The following CLN8 variants were observed in gnomAD, a reference collection of about 807,000 sequenced individuals.
The protein encoded by CLN8 is CLN8 transmembrane ER and ERGIC protein, also known as protein CLN8.
CLN8 carries 14 observed loss-of-function variants against 15.7 expected under a neutral mutation model. The ratio of observed to expected loss-of-function variants is 0.89; its 90% CI spans 0.59 to 1.39. The LOEUF (loss-of-function observed/expected upper bound fraction) is 1.39, where lower values mean the gene tolerates loss of function less well. CLN8 is among the 40% of genes most tolerant of loss of function. The pLI is 0.00. For missense variants in CLN8, 415 were observed against 364.0 expected (o/e 1.14, Z -1.14); for synonymous variants, 188 against 151.0 (o/e 1.25, Z -1.80).
chr8:1,756,408 C>G (rs1176849172), intron 1 of CLN8, among the ~76,000 whole-genome samples: 1 of 150,286 alleles, frequency 6.7e-6, no homozygotes, highest in East Asian at 2.0e-4. Context: ...TGCTTGAACT[C>G]AGGAGGCAGA....
rs1801774673 is a variant in CLN8 at position 1,784,149 on chromosome 8, G to A, written c.*3582G>A. ...AAAAAAACAAAACTAGCTGGGGGTGGTGGTGCATGCCTGTGGTCCCAGCTA... is the reference window on the plus strand; with the variant it reads ...AAAAAAACAAAACTAGCTGGGGGTGATGGTGCATGCCTGTGGTCCCAGCTA... On this transcript the variant is annotated 3_prime_UTR_variant, in exon 3 of 3. Coordinates refer to ENST00000331222, the MANE Select transcript of CLN8 (RefSeq NM_018941.4). 6.6e-6 allele frequency: 1 copy of A among 152,276 alleles called. No individual in the cohort carries two copies. Among genetic ancestry groups the A allele is most frequent in the African/African-American group, 2.4e-5 (1 of 41,430 alleles). The allele number at this position is 152,276 out of a possible 1,614,324, so 9.4% of individuals were successfully genotyped here. A position where few individuals can be genotyped will look rare whatever the true frequency, so the allele number is the denominator to read the frequency against.
upstream of CLN8, chr8:1,761,911 A>T (rs1024044367): frequency 6.6e-6 from 1 of 152,200 alleles, no homozygotes; most frequent in Admixed American, 6.5e-5. Context: ...GAATCTTGTA[A>T]TCTCCAGCTG....
At chr8:1,766,717 A>G (rs544841718) in intron 1 of CLN8, among the ~76,000 whole-genome samples, 47 of 152,290 alleles carry the variant, frequency 3.1e-4, no homozygotes, top group African/African-American at 1.1e-3. Flanking sequence ...TTACCCATGG[A>G]AGGAACAGTG....
intron 1 of CLN8, among the ~76,000 whole-genome samples, chr8:1,767,544 C>T (rs747536965): frequency 2.0e-5 from 3 of 150,524 alleles, no homozygotes; most frequent in Non-Finnish European, 4.4e-5. Context: ...CTTCATTTCC[C>T]GCTGCTCTGT....
Position 1,780,815 on chromosome 8 carries a change from G to A in CLN8, c.*248G>A. On this transcript the variant is annotated 3_prime_UTR_variant, in exon 3 of 3. Coordinates refer to ENST00000331222, the MANE Select transcript of CLN8 (RefSeq NM_018941.4). ...CGCGCCGGACCGTGTCAAGCATCTA[G>A]GAGAGGAGTCCATGGTGTCCAGGCA... 1 of 569,648 alleles carries A rather than the reference G, an allele frequency of 1.8e-6. No individual in the cohort carries two copies. Among genetic ancestry groups the A allele is most frequent in the South Asian group, 2.2e-5 (1 of 45,798 alleles). The allele number at this position is 569,648 out of a possible 1,614,324, so 35.3% of individuals were successfully genotyped here.
Position 1,780,536 on chromosome 8 carries a change from A to T in CLN8, c.830A>T (p.Asn277Ile), listed in dbSNP as rs1284620446. ...QPEAKSRPEGNGQLLRKKRP is the reference protein window; with the variant it reads ...QPEAKSRPEGIGQLLRKKRP ...GAAGCCAAGAGCAGGCCAGAAGGCAACGGGCAGCTGCTGCGGAAGAAGAGG... is the reference window on the plus strand; with the variant it reads ...GAAGCCAAGAGCAGGCCAGAAGGCATCGGGCAGCTGCTGCGGAAGAAGAGG... The change falls in exon 3 of 3, where the codon AAC (asparagine) becomes ATC (isoleucine). Residue 277 changes from asparagine to isoleucine, a missense_variant. Asn to Ile is a moderately radical substitution (Grantham distance 149). Transcript: ENST00000331222. 6.2e-7 allele frequency: 1 copy of T among 1,614,164 alleles called. No individual in the cohort carries two copies.
intron 1 of CLN8, chr8:1,758,507 G>C (rs2130947912): frequency 6.6e-6 from 1 of 152,332 alleles, no homozygotes; most frequent in South Asian, 2.1e-4. Context: ...AAAAGGGCAA[G>C]ACGATCCCCT....
Position 1,757,218 on chromosome 8 carries a change from G to A in CLN8, c.-124+1136G>A, listed in dbSNP as rs1277722972. Among the ~76,000 whole-genome samples the A allele has an allele frequency of 2.6e-5, 4 of 152,180 alleles. No individual in the cohort carries two copies. The South Asian group carries it at 6.2e-4, about 24-fold the overall frequency. On this transcript the variant is annotated intron_variant, in intron 1 of 1. Coordinates refer to the CLN8 transcript ENST00000524258. ...GATGTTGGGGCTGGGCCATTGCCGT[G>A]GGGCTGCCCTGGGCATTGTCGGAAG...
chr8:1,761,214 C>T (rs1195241105), upstream of CLN8, among the ~76,000 whole-genome samples: 1 of 151,778 alleles, frequency 6.6e-6, no homozygotes, highest in African/African-American at 2.4e-5. Context: ...GCTGATTTAT[C>T]CAAACAGGTG....
At chr8:1,772,982 C>T in intron 2 of CLN8, 3 of 398,524 alleles carry the variant, frequency 7.5e-6, no homozygotes, top group Admixed American at 4.4e-5. Context: ...CCTTCGGGGT[C>T]GAGGTGGGTA....
At chr8:1,772,480 AC>A (rs980586049) in intron 2 of CLN8, among the ~76,000 whole-genome samples, 1 of 152,032 alleles carries the variant, frequency 6.6e-6, no homozygotes, top group African/African-American at 2.4e-5. Flanking sequence ...TCCTTTTGAG[AC>A]GGAATCTTGC....
At chr8:1,766,950 G>T (rs1364130425) in intron 1 of CLN8, among the ~76,000 whole-genome samples, 1 of 152,226 alleles carries the variant, frequency 6.6e-6, no homozygotes, top group African/African-American at 2.4e-5. Context: ...ACTTCTGTGG[G>T]TGCCCACCTT....
chr8:1,780,112 C>T, intron 2 of CLN8, 138 bp from the exon 3 acceptor site: 3 of 1,523,292 alleles, frequency 2.0e-6, no homozygotes, highest in Non-Finnish European at 2.6e-6. Context: ...GAGAGCAGAG[C>T]CCTGGGGAGG....
upstream of CLN8, among the ~76,000 whole-genome samples, chr8:1,761,356 G>A (rs1000242721): frequency 2.0e-5 from 3 of 151,990 alleles, no homozygotes; most frequent in African/African-American, 7.3e-5. Flanking sequence ...ATGGAGTCTT[G>A]CTCTGTTGCC....
intron 2 of CLN8, 70 bp from the exon 3 acceptor site, chr8:1,780,180 T>C (rs1801666573): frequency 1.2e-6 from 2 of 1,613,352 alleles, no homozygotes; most frequent in African/African-American, 2.7e-5. Context: ...AGCAAATACC[T>C]TTTTGTGATG....
Position 1,780,851 on chromosome 8 carries a change from A to G in CLN8, c.*284A>G, listed in dbSNP as rs912247113. The G allele has an allele frequency of 3.9e-6, 2 of 514,996 alleles. No homozygotes were observed. Among genetic ancestry groups the G allele is most frequent in the South Asian group, 4.9e-5 (2 of 40,536 alleles). The allele number at this position is 514,996 out of a possible 1,614,324, so 31.9% of individuals were successfully genotyped here. A position where few individuals can be genotyped will look rare whatever the true frequency, so the allele number is the denominator to read the frequency against. On this transcript the variant is annotated 3_prime_UTR_variant, in exon 3 of 3. Coordinates refer to ENST00000331222, the MANE Select transcript of CLN8 (RefSeq NM_018941.4). ...CATGGTGTCCAGGCATCGGGGCGTC[A>G]CACCTGTTGAGGAGTGGGGTGGCTT... is the stretch of plus-strand genomic sequence containing the variant.
chr8:1,758,927 T>A (rs1445994142), upstream of CLN8: 2 of 152,194 alleles, frequency 1.3e-5, no homozygotes, highest in Non-Finnish European at 1.5e-5. Context: ...GGAAGGGGAT[T>A]CTGGCAGGAT....
chr8:1,781,941 A>C lies in CLN8; in HGVS notation c.*1374A>C, dbSNP rs1049762876. ...ACAGCAATTTAGCAATGTTGTTAACAGACATACAGAATTGTGTGTGTGTGT... is the reference window on the plus strand; with the variant it reads ...ACAGCAATTTAGCAATGTTGTTAACCGACATACAGAATTGTGTGTGTGTGT... On this transcript the variant is annotated 3_prime_UTR_variant, in exon 3 of 3. Transcript: ENST00000331222. 2.5e-4 allele frequency: 34 copies of C among 138,384 alleles called. No homozygotes were observed. The highest frequency in any genetic ancestry group is 9.3e-4 in the African/African-American group (33 of 35,598). The allele number at this position is 138,384 out of a possible 1,614,324, so 8.6% of individuals were successfully genotyped here.
At chr8:1,770,908 C>T (rs1460610643) in intron 1 of CLN8, 24 bp from the exon 2 acceptor site, 1 of 745,056 alleles carries the variant, frequency 1.3e-6, no homozygotes, top group African/African-American at 1.7e-5. Flanking sequence ...CGAGTCAACA[C>T]AAAATGAATG....
Sources: allele counts gnomAD v4.1 joint callset (sites outside exome capture counted in the v4.1 genomes callset), GRCh38; gene constraint gnomAD v4.1.1; transcripts MANE v1.5; gene names NCBI Gene and HGNC (gene_info 2026-07-23, HGNC 2026-07-21).